Variants in ADGRL2 observed in about 807,000 individuals in gnomAD.
ADGRL2 encodes the protein adhesion G protein-coupled receptor L2, also known as calcium-independent alpha-latrotoxin receptor 2.
Under a neutral mutation model 157.4 loss-of-function variants are expected in ADGRL2, and 44 were observed. That is an observed-to-expected ratio of 0.28 (90% CI 0.22 to 0.36). The LOEUF is 0.36. ADGRL2 is among the 10% of genes least tolerant of loss of function. The pLI is 1.00. For missense variants in ADGRL2, 1,510 were observed against 1,768.9 expected, an observed-to-expected ratio of 0.85 and a Z score of 2.63; for synonymous variants, 585 against 624.7, an observed-to-expected ratio of 0.94 and a Z score of 0.95.
At chr1:81,897,300 T>A (rs539337644) in intron 2 of ADGRL2, among the ~76,000 whole-genome samples, 4 of 152,166 alleles carry the variant, frequency 2.6e-5, no homozygotes, top group Non-Finnish European at 5.9e-5. Context: ...TTTTTTTTTT[T>A]AAGTAAATCG....
rs117355866 is a variant in ADGRL2, at chr1:81,667,891, A to T, written c.-143+86911A>T. 2.2e-4 allele frequency among the ~76,000 whole-genome samples: 33 copies of T among 152,268 alleles called. 1 individual carries two copies. In the East Asian group the frequency reaches 6.2e-3, roughly 28 times the overall value. On this transcript the variant is annotated intron_variant, in intron 3 of 24. Coordinates refer to the ADGRL2 transcript ENST00000370721. ...ACTGCGTATTTATAAGATCTATGTG[A>T]TTTATGCACCTCTGTTGTAAGATTT... is the stretch of plus-strand genomic sequence containing the variant.
At chr1:81,509,485 A>G (rs1318592897) in intron 2 of ADGRL2, among the ~76,000 whole-genome samples, 1 of 152,184 alleles carries the variant, frequency 6.6e-6, no homozygotes, top group African/African-American at 2.4e-5. Context: ...GATGTGGAAC[A>G]CGCAGCATTT....
At chr1:81,821,422 A>G (rs1329384066) in intron 1 of ADGRL2, among the ~76,000 whole-genome samples, 1 of 152,098 alleles carries the variant, frequency 6.6e-6, no homozygotes, top group Non-Finnish European at 1.5e-5. Flanking sequence ...GTCATTACAT[A>G]CCACAGGTGG....
chr1:81,456,846 T>C (rs1393834302), intron 2 of ADGRL2, among the ~76,000 whole-genome samples: 1 of 152,098 alleles, frequency 6.6e-6, no homozygotes, highest in Non-Finnish European at 1.5e-5. Context: ...CCTCCTTTTG[T>C]CTTCTGTTTT....
chr1:81,386,532 G>A (rs886572902), intron 1 of ADGRL2, among the ~76,000 whole-genome samples: 5 of 152,030 alleles, frequency 3.3e-5, no homozygotes, highest in Admixed American at 2.0e-4. Context: ...CTAGAAGCAC[G>A]CATTGCCTTT....
At chr1:81,711,725 A>G (rs993580030) in intron 1 of ADGRL2, among the ~76,000 whole-genome samples, 13 of 152,302 alleles carry the variant, frequency 8.5e-5, no homozygotes, top group African/African-American at 3.1e-4. Context: ...TTCTATCATC[A>G]TTGCAAATGT....
In ADGRL2 at chr1:81,403,679, A is replaced by T. The variant is rs141372874; in HGVS notation, c.-301-41357A>T. 4.2e-3 allele frequency among the ~76,000 whole-genome samples: 643 copies of T among 152,250 alleles called. 3 individuals carry two copies. Among genetic ancestry groups the T allele is most frequent in the African/African-American group, 0.015 (612 of 41,538 alleles). ...GGAAAAATGGGTTTAAAATTTAGAG[A>T]TGCCAAAATGCACATTTACATACAT... On this transcript the variant is annotated intron_variant, in intron 1 of 24. Coordinates refer to the ADGRL2 transcript ENST00000370721.
Position 81,554,159 on chromosome 1 carries a change from G to A in ADGRL2, c.-247-26717G>A, listed in dbSNP as rs918002094. Among the ~76,000 whole-genome samples, 23 of 152,338 alleles carry A rather than the reference G, an allele frequency of 1.5e-4. No homozygotes were observed. The East Asian group carries it at 4.4e-3, about 29-fold the overall frequency. ...CTGGATTAACTTGTAATGAGAACAT[G>A]AGAGGTATTTGTTGTTTGTCATAAT... On this transcript the variant is annotated intron_variant, in intron 2 of 24. Transcript: ENST00000370721.
At chr1:81,645,696 T>C (rs2082301853) in intron 3 of ADGRL2, among the ~76,000 whole-genome samples, 1 of 152,186 alleles carries the variant, frequency 6.6e-6, no homozygotes, top group Non-Finnish European at 1.5e-5. Flanking sequence ...CCTTATTCTC[T>C]ACAATTGCTA....
chr1:81,664,148 T>C (rs1284394223), intron 3 of ADGRL2, among the ~76,000 whole-genome samples: 1 of 152,196 alleles, frequency 6.6e-6, no homozygotes, highest in Non-Finnish European at 1.5e-5. Context: ...GGAAAATCTT[T>C]GTATCCTCCG....
intron 2 of ADGRL2, among the ~76,000 whole-genome samples, chr1:81,499,458 G>A (rs1016829516): frequency 1.3e-5 from 2 of 152,212 alleles, no homozygotes; most frequent in African/African-American, 4.8e-5. Context: ...GATAGAATGG[G>A]ACTTGAACCC....
At chr1:81,917,889 C>A (rs2094895353) in intron 3 of ADGRL2, among the ~76,000 whole-genome samples, 1 of 152,154 alleles carries the variant, frequency 6.6e-6, no homozygotes, top group African/African-American at 2.4e-5. Context: ...AACATCACAG[C>A]CCTTCACTTG....
At chr1:81,652,401 C>T (rs1237484237) in intron 3 of ADGRL2, among the ~76,000 whole-genome samples, 8 of 152,026 alleles carry the variant, frequency 5.3e-5, no homozygotes, top group African/African-American at 1.9e-4. Context: ...TCTATTTTTT[C>T]ACTTTTAATG....
intron 3 of ADGRL2, among the ~76,000 whole-genome samples, chr1:81,911,863 C>A (rs1311267034): frequency 1.3e-5 from 2 of 150,542 alleles, no homozygotes; most frequent in Non-Finnish European, 3.0e-5. Context: ...ATAAAATAGG[C>A]CCCCTGCCTC....
At chr1:81,630,553 C>T (rs750183213) in intron 3 of ADGRL2, among the ~76,000 whole-genome samples, 5 of 152,032 alleles carry the variant, frequency 3.3e-5, no homozygotes, top group African/African-American at 4.8e-5. Flanking sequence ...CATCATAAAT[C>T]GAATTCCTCA....
intron 3 of ADGRL2, among the ~76,000 whole-genome samples, chr1:81,927,391 T>A (rs2095131906): frequency 6.6e-6 from 1 of 152,044 alleles, no homozygotes. Flanking sequence ...AATTTTAAAA[T>A]AATTTTTATG....
intron 3 of ADGRL2, among the ~76,000 whole-genome samples, chr1:81,676,266 C>T (rs1237773994): frequency 2.0e-5 from 3 of 152,102 alleles, no homozygotes; most frequent in African/African-American, 7.2e-5. Context: ...GCCTCGGCCT[C>T]CCAAAGTGCT....
At chr1:81,831,630 A>C (rs2091951749) in intron 1 of ADGRL2, among the ~76,000 whole-genome samples, 1 of 152,024 alleles carries the variant, frequency 6.6e-6, no homozygotes, top group Non-Finnish European at 1.5e-5. Context: ...ATATTTCTTA[A>C]GGTTGTTGGG....
intron 1 of ADGRL2, among the ~76,000 whole-genome samples, chr1:81,757,675 G>A (rs767730685): frequency 1.3e-5 from 2 of 152,158 alleles, no homozygotes; most frequent in African/African-American, 2.4e-5. Flanking sequence ...CCCGAATCAC[G>A]AATTGTTCAT....
Sources: gnomAD v4.1 joint callset for allele counts (sites outside exome capture counted in the v4.1 genomes callset) on GRCh38, gnomAD v4.1.1 for gene constraint, MANE v1.5 for transcripts, NCBI Gene and HGNC (gene_info 2026-07-23, HGNC 2026-07-21) for gene names.